Variants in STRBP observed in about 807,000 individuals in gnomAD.
The protein encoded by STRBP is spermatid perinuclear RNA-binding protein.
A neutral mutation model predicts 80.1 loss-of-function variants in STRBP; 13 were observed. That is an observed-to-expected ratio of 0.16 (90% CI 0.11 to 0.26). The LOEUF (loss-of-function observed/expected upper bound fraction) is 0.26. STRBP is among the 10% of genes least tolerant of loss of function. The pLI is 1.00. For missense variants in STRBP, 485 were observed against 815.2 expected, an observed-to-expected ratio of 0.59 and a Z score of 4.93; for synonymous variants, 284 against 291.2, an observed-to-expected ratio of 0.98 and a Z score of 0.25.
At chr9:123,138,300 A>T (rs1294740773) in intron 14 of STRBP, among the ~76,000 whole-genome samples, 1 of 152,166 alleles carries the variant, frequency 6.6e-6, no homozygotes, top group Non-Finnish European at 1.5e-5. Flanking sequence ...CAGCAAAACA[A>T]CATCTTGACC....
At chr9:123,132,106 C>G (rs989369329) in intron 17 of STRBP, among the ~76,000 whole-genome samples, 11 of 152,166 alleles carry the variant, frequency 7.2e-5, no homozygotes, top group Admixed American at 1.3e-4. Context: ...AGAGGGCATT[C>G]TCCCAAATCT....
chr9:123,150,912 T>C (rs1044193002), intron 11 of STRBP, among the ~76,000 whole-genome samples: 21 of 152,204 alleles, frequency 1.4e-4, no homozygotes, highest in African/African-American at 4.8e-4. Context: ...TCTTAATCCC[T>C]GACTACACTG....
intron 17 of STRBP, among the ~76,000 whole-genome samples, chr9:123,129,453 G>A (rs2036040668): frequency 6.6e-6 from 1 of 152,144 alleles, no homozygotes; most frequent in Non-Finnish European, 1.5e-5. Flanking sequence ...CTTTTACACA[G>A]TACCCAAAAC....
intron 2 of STRBP, among the ~76,000 whole-genome samples, chr9:123,212,366 A>C (rs2039741465): frequency 6.6e-6 from 1 of 152,218 alleles, no homozygotes; most frequent in Non-Finnish European, 1.5e-5. Flanking sequence ...TTCATATGTA[A>C]AATGGATCTC....
intron 1 of STRBP, among the ~76,000 whole-genome samples, chr9:123,246,028 T>C (rs2040793350): frequency 6.6e-6 from 1 of 152,218 alleles, no homozygotes; most frequent in African/African-American, 2.4e-5. Context: ...TTCACCTTTA[T>C]CTGTGAAACT....
Position 123,124,736 on chromosome 9 carries a change from T to A in STRBP, c.*861A>T, listed in dbSNP as rs544758566. The A allele has an allele frequency of 5.2e-4, 513 of 985,436 alleles. 1 individual carries two copies. Among genetic ancestry groups the A allele is most frequent in the Admixed American group, 1.2e-3 (20 of 16,290 alleles). 61.0% of individuals were successfully genotyped at this position (985,436 alleles called of 1,614,324 possible). On this transcript the variant is annotated 3_prime_UTR_variant, in exon 19 of 19. Coordinates refer to ENST00000348403, the MANE Select transcript of STRBP (RefSeq NM_018387.5). ...GATTGATTGATTAATTTATTATTTTTAAAAACTTGGAAATTCATAAACTAG... is the reference window on the plus strand; with the variant it reads ...GATTGATTGATTAATTTATTATTTTAAAAAACTTGGAAATTCATAAACTAG...
intron 8 of STRBP, 79 bp from the exon 9 acceptor site, chr9:123,159,286 A>G: frequency 1.0e-6 from 1 of 994,710 alleles, no homozygotes; most frequent in Non-Finnish European, 1.5e-6. Flanking sequence ...TAACATTTCT[A>G]TCTACAAGGG....
intron 2 of STRBP, among the ~76,000 whole-genome samples, chr9:123,203,878 A>C (rs558096610): frequency 4.4e-4 from 67 of 152,268 alleles, no homozygotes; most frequent in Admixed American, 1.6e-3. Context: ...AGTCTGAGGC[A>C]GGAGAACTGC....
intron 6 of STRBP, among the ~76,000 whole-genome samples, chr9:123,165,524 G>A (rs927730783): frequency 5.3e-5 from 8 of 152,156 alleles, no homozygotes; most frequent in African/African-American, 1.9e-4. Flanking sequence ...CAGTACTGAG[G>A]AGAGAGGTGT....
At chr9:123,175,545 A>G (rs771416181) in intron 4 of STRBP, among the ~76,000 whole-genome samples, 1 of 152,214 alleles carries the variant, frequency 6.6e-6, no homozygotes, top group Non-Finnish European at 1.5e-5. Flanking sequence ...TAAAGGTGGT[A>G]TAAATATAGA....
chr9:123,243,068 T>C (rs564710421), intron 1 of STRBP, among the ~76,000 whole-genome samples: 1 of 152,058 alleles, frequency 6.6e-6, no homozygotes, highest in Non-Finnish European at 1.5e-5. Flanking sequence ...AAAGACTTAT[T>C]ATATAGCCAC....
At chr9:123,192,523 T>C (rs1003073320) in intron 2 of STRBP, among the ~76,000 whole-genome samples, 1 of 152,038 alleles carries the variant, frequency 6.6e-6, no homozygotes, top group African/African-American at 2.4e-5. Flanking sequence ...TCATTTGAGC[T>C]CAGGGGAGGG....
At position 123,157,843 on chromosome 9, in the gene STRBP, T is replaced by A. The variant is rs715410; in HGVS notation, c.1045+169A>T. On this transcript the variant is annotated intron_variant, in intron 11 of 18. Transcript: ENST00000348403. ...GGATTACGGGAACTACAATTCAACA[T>A]GAGATTTGGATGGGGACACAGCCAA... 1.4e-3 allele frequency among the ~76,000 whole-genome samples: 210 copies of A among 151,832 alleles called. 3 individuals are homozygous for A. The East Asian group carries it at 0.034, about 25-fold the overall frequency.
rs1241084910 is a variant in STRBP, at chr9:123,183,497, C to G, written c.3+635G>C. 4.6e-5 allele frequency among the ~76,000 whole-genome samples: 7 copies of G among 151,626 alleles called. No individual in the cohort carries two copies. In the East Asian group the frequency reaches 1.2e-3, roughly 25 times the overall value. ...TAGGAGAAAAAAAATTCATATAACACCCTCCAGAACTCATAATACTAAGGG... is the reference window on the plus strand; with the variant it reads ...TAGGAGAAAAAAAATTCATATAACAGCCTCCAGAACTCATAATACTAAGGG... On this transcript the variant is annotated intron_variant, in intron 3 of 18. Coordinates refer to ENST00000348403, the MANE Select transcript of STRBP (RefSeq NM_018387.5).
chr9:123,239,681 A>G (rs998253301), intron 1 of STRBP, among the ~76,000 whole-genome samples: 2 of 152,196 alleles, frequency 1.3e-5, no homozygotes, highest in Non-Finnish European at 2.9e-5. Flanking sequence ...AATATCACCT[A>G]CAATTTACTA....
chr9:123,194,004 G>GT (rs2039012543), intron 2 of STRBP, among the ~76,000 whole-genome samples: 1 of 152,086 alleles, frequency 6.6e-6, no homozygotes, highest in African/African-American at 2.4e-5. Flanking sequence ...TTTTTTAGTT[G>GT]TAAGAATGAC....
intron 1 of STRBP, among the ~76,000 whole-genome samples, chr9:123,262,319 A>G (rs2041176247): frequency 6.6e-6 from 1 of 152,228 alleles, no homozygotes; most frequent in Admixed American, 6.5e-5. Flanking sequence ...CTTTAGGACA[A>G]TTACTAGTCA....
At chr9:123,259,471 C>A (rs1246195133) in intron 1 of STRBP, among the ~76,000 whole-genome samples, 1 of 152,196 alleles carries the variant, frequency 6.6e-6, no homozygotes, top group Non-Finnish European at 1.5e-5. Flanking sequence ...CTTTGGGAGG[C>A]CGAGGCGGGT....
At chr9:123,180,071 G>A (rs1329137544) in intron 3 of STRBP, among the ~76,000 whole-genome samples, 1 of 152,090 alleles carries the variant, frequency 6.6e-6, no homozygotes, top group Non-Finnish European at 1.5e-5. Flanking sequence ...CCTGGGTAAT[G>A]TAGCAAGATC....
Sources: allele counts gnomAD v4.1 joint callset (sites outside exome capture counted in the v4.1 genomes callset), GRCh38; gene constraint gnomAD v4.1.1; transcripts MANE v1.5; gene names NCBI Gene and HGNC (gene_info 2026-07-23, HGNC 2026-07-21).